GREB1L: variants seen among roughly 807,000 people sequenced by gnomAD.
The protein encoded by GREB1L is GREB1 like retinoic acid receptor coactivator.
Under a neutral mutation model 200.8 loss-of-function variants are expected in GREB1L, and 17 were observed. The observed-to-expected ratio is 0.08, with a 90% CI of 0.06 to 0.13. The LOEUF (loss-of-function observed/expected upper bound fraction) is 0.13, where lower values mean the gene tolerates loss of function less well. Ranked by LOEUF, GREB1L falls within the 10% of genes least tolerant of loss-of-function variation. The probability of loss-of-function intolerance (pLI) is 1.00; values close to 1 mark genes in which losing one functional copy is unlikely to be tolerated. For synonymous variants in GREB1L, 789 were observed against 893.0 expected, an observed-to-expected ratio of 0.88 and a Z score of 2.08; for missense variants, 1,657 against 2,367.7, an observed-to-expected ratio of 0.70 and a Z score of 6.23.
Position 21,454,571 on chromosome 18 carries a change from TG to T in GREB1L, c.2182+9del. ...AGCGGATTCGACAATCAGGTAAGAGTGAACTTTCAAAGAGGAGCCCACCTAG... is the reference window on the plus strand; with the variant it reads ...AGCGGATTCGACAATCAGGTAAGAGTAACTTTCAAAGAGGAGCCCACCTAG... On this transcript the variant is annotated intron_variant, in intron 15 of 32. Transcript: ENST00000424526. The T allele has an allele frequency of 6.5e-7, 1 of 1,549,382 alleles. No homozygotes were observed. The highest frequency in any genetic ancestry group is 1.4e-5 in the African/African-American group (1 of 73,074).
chr18:21,414,342 A>G (rs1377626935), intron 7 of GREB1L, among the ~76,000 whole-genome samples: 1 of 151,632 alleles, frequency 6.6e-6, no homozygotes, highest in Non-Finnish European at 1.5e-5. Flanking sequence ...GTACTAAAAG[A>G]AAAAAAAACT....
chr18:21,378,408 G>T (rs2040164132), intron 2 of GREB1L, among the ~76,000 whole-genome samples: 1 of 151,962 alleles, frequency 6.6e-6, no homozygotes, highest in Non-Finnish European at 1.5e-5. Flanking sequence ...TATTTTTTGA[G>T]ACAGAGTCTT....
chr18:21,488,239 T>C (rs1380085721), intron 18 of GREB1L, among the ~76,000 whole-genome samples: 3 of 152,190 alleles, frequency 2.0e-5, no homozygotes, highest in Non-Finnish European at 4.4e-5. Context: ...AAGGTTGCAG[T>C]GAGCCAAGAT....
chr18:21,270,901 C>T (rs1159588934), intron 1 of GREB1L, among the ~76,000 whole-genome samples: 1 of 152,088 alleles, frequency 6.6e-6, no homozygotes, highest in Non-Finnish European at 1.5e-5. Flanking sequence ...TCCTTATCAC[C>T]ATCCTTAGAC....
chr18:21,449,712 G>A lies in GREB1L; in HGVS notation c.1596G>A (p.Ala532=), dbSNP rs555782144. 18 of 1,551,640 alleles carry A rather than the reference G, an allele frequency of 1.2e-5. No homozygotes were observed. The highest frequency in any genetic ancestry group is 8.2e-5 in the African/African-American group (6 of 73,138). ...TGGTTGTGACCCAGAACTCTTTGGC[G>A]GAGGGCATTTCAGAGACCTTAAGGA... ...VHVVVTQNSL[A]EGISETLRTL... Residue 532 remains alanine (A), a synonymous_variant, in exon 12 of 33, where the codon GCG becomes GCA. Transcript: ENST00000424526.
chr18:21,355,193 A>ATT (rs113751730), intron 1 of GREB1L, among the ~76,000 whole-genome samples: 28 of 139,412 alleles, frequency 2.0e-4, no homozygotes, highest in Non-Finnish European at 3.1e-4. Context: ...CTTTTGTTAA[A>ATT]TTTTTTTTTT....
At chr18:21,360,310 C>G (rs2039563733) in intron 1 of GREB1L, among the ~76,000 whole-genome samples, 1 of 152,190 alleles carries the variant, frequency 6.6e-6, no homozygotes, top group African/African-American at 2.4e-5. Flanking sequence ...CCTCCGCCTC[C>G]CGGGTTCAAG....
chr18:21,441,547 T>A lies in GREB1L; in HGVS notation c.1207+10T>A. 5.2e-6 allele frequency: 8 copies of A among 1,542,876 alleles called. No individual in the cohort carries two copies. Among genetic ancestry groups the A allele is most frequent in the Non-Finnish European group, 7.0e-6 (8 of 1,144,432 alleles). ...CCAGTAATTCTGATAGGTAAGGTAA[T>A]GGAATTCCAAGTTGCCTGTGTCTGC... On this transcript the variant is annotated intron_variant, in intron 10 of 32. Coordinates refer to ENST00000424526, the MANE Select transcript of GREB1L (RefSeq NM_001142966.3).
chr18:21,257,246 G>A (rs946046088), intron 1 of GREB1L, among the ~76,000 whole-genome samples: 8 of 152,080 alleles, frequency 5.3e-5, no homozygotes, highest in African/African-American at 1.9e-4. Context: ...GGGATTACAG[G>A]CATGAGCCAC....
intron 7 of GREB1L, among the ~76,000 whole-genome samples, chr18:21,419,594 C>T (rs533445595): frequency 1.2e-4 from 18 of 152,146 alleles, no homozygotes; most frequent in African/African-American, 9.7e-5. Flanking sequence ...GGACTACAGG[C>T]GCATGCCACC....
chr18:21,516,580 C>T (rs533602610), intron 29 of GREB1L, 33 bp from the exon 30 acceptor site: 132 of 1,543,430 alleles, frequency 8.6e-5, no homozygotes, highest in Middle Eastern at 5.0e-4. Context: ...GATATGCCAG[C>T]GGAAGAAAAC....
At chr18:21,462,938 A>T (rs1333519830) in intron 15 of GREB1L, among the ~76,000 whole-genome samples, 1 of 152,192 alleles carries the variant, frequency 6.6e-6, no homozygotes, top group Non-Finnish European at 1.5e-5. Context: ...CACACAGCAA[A>T]AAGAATTAAT....
chr18:21,280,529 T>C (rs1473221845), intron 1 of GREB1L, among the ~76,000 whole-genome samples: 2 of 152,094 alleles, frequency 1.3e-5, no homozygotes, highest in Admixed American at 1.3e-4. Context: ...TGTGTGCAGG[T>C]TTGTTTGTAT....
chr18:21,497,279 A>T (rs2036581739), intron 21 of GREB1L, among the ~76,000 whole-genome samples: 1 of 152,184 alleles, frequency 6.6e-6, no homozygotes. Context: ...TCTTCTGATA[A>T]ATTGTATTAT....
chr18:21,414,449 A>G (rs935434857), intron 7 of GREB1L, among the ~76,000 whole-genome samples: 2 of 152,258 alleles, frequency 1.3e-5, no homozygotes, highest in African/African-American at 2.4e-5. Flanking sequence ...CTCAAAATTA[A>G]TCCAAATGTA....
chr18:21,515,305 G>A, intron 28 of GREB1L, 112 bp from the exon 29 acceptor site: 1 of 742,654 alleles, frequency 1.3e-6, no homozygotes, highest in East Asian at 2.7e-5. Flanking sequence ...AAGTAAATCA[G>A]TTAATTTTAT....
chr18:21,462,381 AAAAC>A (rs1480762083), intron 15 of GREB1L, among the ~76,000 whole-genome samples: 2 of 152,230 alleles, frequency 1.3e-5, no homozygotes, highest in Non-Finnish European at 2.9e-5. Context: ...TTATTTTTGA[AAAAC>A]AAAACAAAGC....
At chr18:21,268,569 A>C (rs2038023265) in intron 1 of GREB1L, among the ~76,000 whole-genome samples, 3 of 97,282 alleles carry the variant, frequency 3.1e-5, no homozygotes, top group African/African-American at 2.0e-4. Context: ...ACATATATAT[A>C]TATATATATA....
intron 17 of GREB1L, among the ~76,000 whole-genome samples, chr18:21,477,687 G>A (rs1442659333): frequency 6.6e-6 from 1 of 151,952 alleles, no homozygotes; most frequent in Non-Finnish European, 1.5e-5. Flanking sequence ...TCAGGAGGCT[G>A]AGGCAGGAGA....
Sources: allele counts gnomAD v4.1 joint callset (sites outside exome capture counted in the v4.1 genomes callset), GRCh38; gene constraint gnomAD v4.1.1; transcripts MANE v1.5; gene names NCBI Gene and HGNC (gene_info 2026-07-23, HGNC 2026-07-21).